The following AGBL1 variants were observed in gnomAD, a reference collection of about 807,000 sequenced individuals.
AGBL1 encodes the protein AGBL carboxypeptidase 1.
In AGBL1, 130 loss-of-function variants were observed where a neutral mutation model predicts 118.9. The observed-to-expected ratio is 1.09, with a 90% CI of 0.95 to 1.26. The LOEUF (loss-of-function observed/expected upper bound fraction) is 1.26. Ranked by LOEUF, AGBL1 falls within the 50% of genes most tolerant of loss-of-function variation. AGBL1 has a pLI of 0.00. For synonymous variants in AGBL1, 555 were observed against 478.9 expected, an observed-to-expected ratio of 1.16 and a Z score of -2.08; for missense variants, 1,584 against 1,298.1, an observed-to-expected ratio of 1.22 and a Z score of -3.38.
At chr15:86,745,382 A>G (rs2077740818) in intron 22 of AGBL1, among the ~76,000 whole-genome samples, 1 of 152,070 alleles carries the variant, frequency 6.6e-6, no homozygotes, top group African/African-American at 2.4e-5. Context: ...GTGAAACATT[A>G]TATTGAGGGC....
chr15:86,556,085 A>G (rs752494947), intron 21 of AGBL1: 11 of 622,010 alleles, frequency 1.8e-5, no homozygotes, highest in Admixed American at 5.9e-5. Flanking sequence ...CCAAGCACCA[A>G]TTCAAACAAA....
chr15:86,644,851 C>CAAA (rs11434077), intron 21 of AGBL1, among the ~76,000 whole-genome samples: 1,001 of 99,570 alleles, frequency 0.01, 27 homozygotes, highest in African/African-American at 0.022. Context: ...ACTAAAAATA[C>CAAA]AAAAAAAAAA....
At chr15:86,711,055 C>T (rs7174324) in intron 22 of AGBL1, among the ~76,000 whole-genome samples, 13,602 of 152,160 alleles carry the variant, frequency 0.089, 788 homozygotes, top group East Asian at 0.22. Flanking sequence ...GTGACTTCCC[C>T]TGATCACATA....
chr15:86,813,392 T>A (rs1303788657), intron 22 of AGBL1, among the ~76,000 whole-genome samples: 1 of 152,220 alleles, frequency 6.6e-6, no homozygotes, highest in East Asian at 1.9e-4. Flanking sequence ...ATAACATTTC[T>A]GAGCCAGAAG....
chr15:86,731,473 C>G (rs2077526820), intron 22 of AGBL1, among the ~76,000 whole-genome samples: 1 of 152,162 alleles, frequency 6.6e-6, no homozygotes, highest in Non-Finnish European at 1.5e-5. Flanking sequence ...AATAAATATT[C>G]TGCAGTGGGA....
intron 18 of AGBL1, among the ~76,000 whole-genome samples, chr15:86,461,977 G>A (rs1248711605): frequency 1.3e-5 from 2 of 152,188 alleles, no homozygotes; most frequent in Non-Finnish European, 1.5e-5. Flanking sequence ...CCTGCCTCAC[G>A]CAGCCCATAC....
rs192071691 is a variant in AGBL1 at position 86,273,203 on chromosome 15, C to T, written c.2075+1497C>T. Reference sequence around the variant, plus strand: ...GGGAGTAAGAAGGCTAAGGGGACCACGTATTTCCCACAAGAGGGAAGAAGC... The same window carrying T: ...GGGAGTAAGAAGGCTAAGGGGACCATGTATTTCCCACAAGAGGGAAGAAGC... On this transcript the variant is annotated intron_variant, in intron 15 of 22. Coordinates refer to ENST00000614907, the MANE Select transcript of AGBL1 (RefSeq NM_001386094.1). 5.9e-5 allele frequency among the ~76,000 whole-genome samples: 9 copies of T among 152,214 alleles called. 1 individual carries two copies. The highest frequency in any genetic ancestry group is 3.9e-4 in the East Asian group (2 of 5,172).
intron 22 of AGBL1, among the ~76,000 whole-genome samples, chr15:86,734,426 G>A (rs1463715193): frequency 6.6e-6 from 1 of 152,172 alleles, no homozygotes; most frequent in Non-Finnish European, 1.5e-5. Context: ...ACTTGGAAAA[G>A]ATGTAGAGAC....
chr15:86,559,696 T>G (rs2083786149), intron 21 of AGBL1, among the ~76,000 whole-genome samples: 1 of 152,196 alleles, frequency 6.6e-6, no homozygotes, highest in Admixed American at 6.5e-5. Context: ...TTCTCATTAT[T>G]CCTATTTTAC....
intron 22 of AGBL1, among the ~76,000 whole-genome samples, chr15:86,700,980 CGTGCTGAGGGAATAAA>C (rs1249596830): frequency 6.6e-6 from 1 of 152,078 alleles, no homozygotes; most frequent in East Asian, 1.9e-4. Context: ...CCTCCCCAGT[CGTGCTGAGGGAATAAA>C]GTGCTGAGGG....
At chr15:86,817,228 G>A (rs2078871024) in intron 22 of AGBL1, among the ~76,000 whole-genome samples, 1 of 149,196 alleles carries the variant, frequency 6.7e-6, no homozygotes, top group African/African-American at 2.5e-5. Context: ...GAAGGCGGAG[G>A]TTGCAGTGAC....
chr15:86,155,164 G>T (rs986662682), intron 4 of AGBL1, among the ~76,000 whole-genome samples: 14 of 152,120 alleles, frequency 9.2e-5, no homozygotes, highest in Admixed American at 6.5e-5. Flanking sequence ...TTTTGAAAAA[G>T]AAACTTTAAA....
At chr15:86,989,494 GT>G (rs2081317165) in intron 24 of AGBL1, among the ~76,000 whole-genome samples, 1 of 151,840 alleles carries the variant, frequency 6.6e-6, no homozygotes, top group Non-Finnish European at 1.5e-5. Context: ...GATTATAAGG[GT>G]TTCCCCCTTT....
intron 22 of AGBL1, among the ~76,000 whole-genome samples, chr15:86,781,616 G>A (rs956408461): frequency 6.6e-6 from 1 of 151,996 alleles, no homozygotes; most frequent in Non-Finnish European, 1.5e-5. Flanking sequence ...ACCTTTCTAG[G>A]ACTAAACAGT....
chr15:86,096,186 G>A (rs549206641), intron 1 of AGBL1, among the ~76,000 whole-genome samples: 2 of 151,960 alleles, frequency 1.3e-5, no homozygotes, highest in Non-Finnish European at 2.9e-5. Flanking sequence ...ACAGGAAGTA[G>A]CCACAAAAAT....
At chr15:86,122,760 A>G (rs946928290) in intron 1 of AGBL1, among the ~76,000 whole-genome samples, 4 of 152,220 alleles carry the variant, frequency 2.6e-5, no homozygotes, top group Non-Finnish European at 5.9e-5. Flanking sequence ...CTCTTGGCCA[A>G]GAGCCTTCCA....
intron 18 of AGBL1, among the ~76,000 whole-genome samples, chr15:86,515,531 T>C (rs1414962877): frequency 1.3e-5 from 2 of 152,224 alleles, no homozygotes; most frequent in African/African-American, 4.8e-5. Flanking sequence ...AACATTGTCT[T>C]TTATTATTTC....
In AGBL1 at chr15:86,247,686, G is replaced by GA; in HGVS notation, c.543dup (p.Ala182SerfsTer21). 6.2e-7 allele frequency: 1 copy of GA among 1,608,436 alleles called. No homozygotes were observed. The highest frequency in any genetic ancestry group is 8.5e-7 in the Non-Finnish European group (1 of 1,177,426). On this transcript the variant is annotated frameshift_variant, in exon 7 of 23. Coordinates refer to ENST00000614907, the MANE Select transcript of AGBL1 (RefSeq NM_001386094.1). LOFTEE classifies it high-confidence loss of function. ...TTGTTTTCAGAGTCGAACGGCCGCA[G>GA]AGCAGTGAACCGAGGCTACGTCACC...
At chr15:86,758,966 C>CAAA (rs80297816) in intron 22 of AGBL1, among the ~76,000 whole-genome samples, 5 of 80,896 alleles carry the variant, frequency 6.2e-5, no homozygotes, top group Admixed American at 1.4e-4. Flanking sequence ...GACACCCTGT[C>CAAA]AAAAAAAAAA....
Sources: gnomAD v4.1 joint callset for allele counts (sites outside exome capture counted in the v4.1 genomes callset) on GRCh38, gnomAD v4.1.1 for gene constraint, MANE v1.5 for transcripts, NCBI Gene and HGNC (gene_info 2026-07-23, HGNC 2026-07-21) for gene names.